The following GLS variants were observed in gnomAD, a reference collection of about 807,000 sequenced individuals.
GLS encodes the protein glutaminase kidney isoform, mitochondrial.
A neutral mutation model predicts 86.7 loss-of-function variants in GLS; 36 were observed. That is an observed-to-expected ratio of 0.42 (90% CI 0.32 to 0.55). The LOEUF (loss-of-function observed/expected upper bound fraction) is 0.55, where lower values mean the gene tolerates loss of function less well. GLS is among the 20% of genes least tolerant of loss of function. The pLI is 0.17. For missense variants in GLS, 528 were observed against 833.4 expected (o/e 0.63, Z 4.51); for synonymous variants, 317 against 305.9 (o/e 1.04, Z -0.38).
In GLS at chr2:190,947,033, A is replaced by G. The variant is rs947659173; in HGVS notation, c.1651-6532A>G. Among the ~76,000 whole-genome samples, 3 of 152,248 alleles carry G rather than the reference A, an allele frequency of 2.0e-5. No individual in the cohort carries two copies. The highest frequency in any genetic ancestry group is 7.2e-5 in the African/African-American group (3 of 41,466). On this transcript the variant is annotated intron_variant, in intron 14 of 17. Coordinates refer to ENST00000320717, the MANE Select transcript of GLS (RefSeq NM_014905.5). This position sits in a 1 kb window ranked among gnomAD's most constrained non-coding sequence, Gnocchi z 5.0. ...CTGTCAGGGATTTTTAAAAACAACT[A>G]TAACTGTTTAAAATGTTGAATGTTT...
At chr2:190,911,086 A>G (rs947276195) in intron 7 of GLS, among the ~76,000 whole-genome samples, 4 of 150,902 alleles carry the variant, frequency 2.7e-5, no homozygotes, top group Non-Finnish European at 5.9e-5. Flanking sequence ...TATAAATTTT[A>G]TTTATATTTA....
At chr2:190,904,035 G>A (rs1689044990) in intron 5 of GLS, among the ~76,000 whole-genome samples, 1 of 152,038 alleles carries the variant, frequency 6.6e-6, no homozygotes, top group Non-Finnish European at 1.5e-5. Context: ...GTACTTCTCA[G>A]TTTGGTGGTA....
rs560291210 is a variant in GLS, at chr2:190,910,226, G to T, written c.980-37G>T. 12 of 1,129,150 alleles carry T rather than the reference G, an allele frequency of 1.1e-5. No individual in the cohort carries two copies. The African/African-American group carries it at 1.2e-4, about 12-fold the overall frequency. The allele number at this position is 1,129,150 out of a possible 1,614,324, so 69.9% of individuals were successfully genotyped here. ...ATAGTAATATTACTCAAGTGTTTAA[G>T]TATTTGAAATAATGGTATTGCTTTT... On this transcript the variant is annotated intron_variant, in intron 6 of 17. Transcript: ENST00000320717.
chr2:190,936,139 G>A (rs1208885140), intron 14 of GLS, among the ~76,000 whole-genome samples: 1 of 151,056 alleles, frequency 6.6e-6, no homozygotes, highest in East Asian at 1.9e-4. Context: ...ATATGTAACA[G>A]TTTATGATTA....
chr2:190,893,620 C>G (rs1180880244), intron 1 of GLS, among the ~76,000 whole-genome samples: 3 of 152,184 alleles, frequency 2.0e-5, no homozygotes, highest in Non-Finnish European at 4.4e-5. Context: ...GAGTCTCGCT[C>G]TGTTACCCAC....
rs772090775 is a variant in GLS, at chr2:190,910,933, GT to G, written c.1038+626del. On this transcript the variant is annotated intron_variant, in intron 7 of 17. Coordinates refer to ENST00000320717, the MANE Select transcript of GLS (RefSeq NM_014905.5). ...ATGCTTTGAAATTTGCATTGTAAGG[GT>G]TTTTTTTTTTTTTAGTGTTTGGTTT... is the stretch of plus-strand genomic sequence containing the variant. Among the ~76,000 whole-genome samples the G allele has an allele frequency of 7.2e-3, 933 of 129,890 alleles. 7 individuals are homozygous for G. Among genetic ancestry groups the G allele is most frequent in the African/African-American group, 0.016 (560 of 35,614 alleles). 85.2% of individuals were successfully genotyped at this position (129,890 alleles called of 152,430 possible). A position where few individuals can be genotyped will look rare whatever the true frequency, so the allele number is the denominator to read the frequency against.
rs968110086 is a variant in GLS at position 190,951,618 on chromosome 2, C to A, written c.1651-1947C>A. On this transcript the variant is annotated intron_variant, in intron 14 of 17. Coordinates refer to ENST00000320717, the MANE Select transcript of GLS (RefSeq NM_014905.5). The surrounding 1 kb of genome is among the most constrained non-coding windows in gnomAD (Gnocchi z 4.2). Reference sequence around the variant, plus strand: ...ATGAAAACAGTTTTTATCTTTTTAGCAAAGTTGTAGTTAGGATCTTCTGTC... The same window carrying A: ...ATGAAAACAGTTTTTATCTTTTTAGAAAAGTTGTAGTTAGGATCTTCTGTC... Among the ~76,000 whole-genome samples, 1 of 152,024 alleles carries A rather than the reference C, an allele frequency of 6.6e-6. No individual in the cohort carries two copies. Among genetic ancestry groups the A allele is most frequent in the Non-Finnish European group, 1.5e-5 (1 of 68,006 alleles).
In GLS at chr2:190,895,534, C is replaced by T. The variant is rs890133977; in HGVS notation, c.484-70C>T. 3 of 1,101,232 alleles carry T rather than the reference C, an allele frequency of 2.7e-6. No individual in the cohort carries two copies. Among genetic ancestry groups the T allele is most frequent in the African/African-American group, 1.6e-5 (1 of 63,552 alleles). The allele number at this position is 1,101,232 out of a possible 1,614,324, so 68.2% of individuals were successfully genotyped here. ...AAGTTTTTATATACAGGAATAAAAT[C>T]TTATAGTTGGTATAAGCATATACAT... is the stretch of plus-strand genomic sequence containing the variant. On this transcript the variant is annotated intron_variant, in intron 2 of 17. Coordinates refer to ENST00000320717, the MANE Select transcript of GLS (RefSeq NM_014905.5). This position sits in a 1 kb window ranked among gnomAD's most constrained non-coding sequence, Gnocchi z 4.2.
At position 190,904,352 on chromosome 2, in the gene GLS, C is replaced by T. The variant is rs115272465; in HGVS notation, c.816-652C>T. On this transcript the variant is annotated intron_variant, in intron 5 of 17. Coordinates refer to ENST00000320717, the MANE Select transcript of GLS (RefSeq NM_014905.5). ...AGTTTATTTTATGTGATTGAATACA[C>T]GTGGGAGTAAGGAGGAGCATGCTCT... Among the ~76,000 whole-genome samples the T allele has an allele frequency of 2.1e-3, 316 of 152,182 alleles. 5 individuals are homozygous for T. The South Asian group carries it at 0.027, about 13-fold the overall frequency.
At position 190,951,315 on chromosome 2, in the gene GLS, CAATG is replaced by C. The variant is rs935909779; in HGVS notation, c.1651-2248_1651-2245del. Among the ~76,000 whole-genome samples, 4 of 151,944 alleles carry C rather than the reference CAATG, an allele frequency of 2.6e-5. No homozygotes were observed. Among genetic ancestry groups the C allele is most frequent in the Non-Finnish European group, 5.9e-5 (4 of 67,992 alleles). ...TTTGGAGAGCGCTGTTTAGAGGTAA[CAATG>C]AGTGTGAAGGTAATTTTCAGGGAAT... is the stretch of plus-strand genomic sequence containing the variant. On this transcript the variant is annotated intron_variant, in intron 14 of 17. Coordinates refer to ENST00000320717, the MANE Select transcript of GLS (RefSeq NM_014905.5). The surrounding 1 kb of genome is among the most constrained non-coding windows in gnomAD (Gnocchi z 4.2).
intron 14 of GLS, chr2:190,934,852 A>G: frequency 1.0e-6 from 1 of 977,880 alleles, no homozygotes; most frequent in Non-Finnish European, 1.2e-6. Flanking sequence ...TTTTTATAGA[A>G]AAGTATAAAC....
intron 1 of GLS, among the ~76,000 whole-genome samples, chr2:190,892,055 A>C (rs368739215): frequency 2.6e-5 from 4 of 152,264 alleles, no homozygotes; most frequent in East Asian, 3.9e-4. Context: ...TCATAGATCT[A>C]TTCTTGTAAT....
At chr2:190,894,367 A>C (rs1460894442) in intron 1 of GLS, among the ~76,000 whole-genome samples, 2 of 151,928 alleles carry the variant, frequency 1.3e-5, no homozygotes, top group African/African-American at 4.8e-5. Flanking sequence ...TTTTTTTCTG[A>C]ATATTTTTTA....
At chr2:190,927,137 A>G (rs1402204478) in intron 11 of GLS, 169 bp from the exon 12 acceptor site, 2 of 559,800 alleles carry the variant, frequency 3.6e-6, no homozygotes, top group Non-Finnish European at 6.0e-6. Flanking sequence ...AAAAGTGGGT[A>G]GGACTTCGGT....
chr2:190,934,576 G>A lies in GLS; in HGVS notation c.1650+2939G>A, dbSNP rs913953568. ...AGGGCCATTTGTAGTTTGGGCAACCGAATGCCTTAATTGGAAAAAAGGCAT... is the reference window on the plus strand; with the variant it reads ...AGGGCCATTTGTAGTTTGGGCAACCAAATGCCTTAATTGGAAAAAAGGCAT... On this transcript the variant is annotated intron_variant, in intron 14 of 17. Coordinates refer to ENST00000320717, the MANE Select transcript of GLS (RefSeq NM_014905.5). 3.9e-5 allele frequency: 38 copies of A among 982,476 alleles called. No homozygotes were observed. The African/African-American group carries it at 5.6e-4, about 14-fold the overall frequency. The allele number at this position is 982,476 out of a possible 1,614,324, so 60.9% of individuals were successfully genotyped here.
Position 190,963,468 on chromosome 2 carries a change from GTCTC to G in GLS, c.*487_*490del, listed in dbSNP as rs201970238. Reference sequence around the variant, plus strand: ...GCACTTACGGTTGTGTGTTTAAAATGTCTCTCTCACCCCCTAGCTTCATGATGTG... The same window carrying G: ...GCACTTACGGTTGTGTGTTTAAAATGTCTCACCCCCTAGCTTCATGATGTG... On this transcript the variant is annotated 3_prime_UTR_variant, in exon 18 of 18. Coordinates refer to ENST00000320717, the MANE Select transcript of GLS (RefSeq NM_014905.5). The G allele has an allele frequency of 6.5e-6, 1 of 153,184 alleles. No homozygotes were observed. The highest frequency in any genetic ancestry group is 2.4e-5 in the African/African-American group (1 of 41,464). The allele number at this position is 153,184 out of a possible 1,614,324, so 9.5% of individuals were successfully genotyped here. A position where few individuals can be genotyped will look rare whatever the true frequency, so the allele number is the denominator to read the frequency against.
At chr2:190,942,167 C>T (rs1227213867) in intron 14 of GLS, among the ~76,000 whole-genome samples, 2 of 142,530 alleles carry the variant, frequency 1.4e-5, no homozygotes, top group Non-Finnish European at 3.0e-5. Context: ...GCAAGCTCCG[C>T]CTCCCGGGTT....
rs1381578816 is a variant in GLS, at chr2:190,951,283, C to T, written c.1651-2282C>T. ...GAAGGAATCAGGGCTTAGGAAGCTGCTGGAGCTTTGGAGAGCGCTGTTTAG... is the reference window on the plus strand; with the variant it reads ...GAAGGAATCAGGGCTTAGGAAGCTGTTGGAGCTTTGGAGAGCGCTGTTTAG... On this transcript the variant is annotated intron_variant, in intron 14 of 17. Coordinates refer to ENST00000320717, the MANE Select transcript of GLS (RefSeq NM_014905.5). The surrounding 1 kb of genome is among the most constrained non-coding windows in gnomAD (Gnocchi z 4.2). Among the ~76,000 whole-genome samples the T allele has an allele frequency of 6.6e-6, 1 of 152,000 alleles. No individual in the cohort carries two copies. Among genetic ancestry groups the T allele is most frequent in the Non-Finnish European group, 1.5e-5 (1 of 68,016 alleles).
At position 190,923,966 on chromosome 2, in the gene GLS, T is replaced by G; in HGVS notation, c.1180T>G (p.Tyr394Asp). Reference sequence around the variant, plus strand: ...AGATCGAAATTTTGCAATAGGATATTACTTAAAAGAAAAGAAGGTTTTTAA... The same window carrying G: ...AGATCGAAATTTTGCAATAGGATATGACTTAAAAGAAAAGAAGGTTTTTAA... ...SGDRNFAIGY[Y>D]LKEKKCFPEG... Residue 394 changes from tyrosine (Y) to aspartate (D), a missense_variant, in exon 10 of 18, where the codon TAC becomes GAC. Tyr to Asp is a radical substitution (Grantham distance 160). This residue lies in a region of GLS where 163 missense variants were observed against 429.2 expected (regional missense o/e 0.38). Coordinates refer to ENST00000320717, the MANE Select transcript of GLS (RefSeq NM_014905.5). 6.7e-7 allele frequency: 1 copy of G among 1,497,452 alleles called. No homozygotes were observed. Among genetic ancestry groups the G allele is most frequent in the Non-Finnish European group, 9.2e-7 (1 of 1,086,836 alleles). 92.8% of individuals were successfully genotyped at this position (1,497,452 alleles called of 1,614,324 possible).
Sources: allele counts gnomAD v4.1 joint callset (sites outside exome capture counted in the v4.1 genomes callset), GRCh38; gene constraint gnomAD v4.1.1; regional missense constraint gnomAD v4.1.1; non-coding constraint Gnocchi (gnomAD v3.1); transcripts MANE v1.5; gene names NCBI Gene and HGNC (gene_info 2026-07-23, HGNC 2026-07-21).